Variants in CHADL observed in about 807,000 individuals in gnomAD.
CHADL encodes chondroadherin-like protein.
A neutral mutation model predicts 52.1 loss-of-function variants in CHADL; 48 were observed. The ratio of observed to expected loss-of-function variants is 0.92; its 90% CI spans 0.73 to 1.17. The LOEUF is 1.17. Among genes scored for constraint, CHADL ranks in the 50% most tolerant of loss-of-function variants. The probability of loss-of-function intolerance (pLI) is 0.00; values close to 1 mark genes in which losing one functional copy is unlikely to be tolerated. For synonymous variants in CHADL, 498 were observed against 511.2 expected (o/e 0.97, Z 0.35); for missense variants, 977 against 1,035.1 (o/e 0.94, Z 0.77).
At position 41,238,564 on chromosome 22, in the gene CHADL, G is replaced by C. The variant is rs1238192262; in HGVS notation, c.508C>G (p.Leu170Val). The change falls in exon 3 of 6, where the codon CTG (leucine) becomes GTG (valine). Residue 170 changes from leucine (L) to valine (V), a missense_variant. Leu to Val is a conservative substitution (Grantham distance 32). Transcript: ENST00000216241. This position sits in a 1 kb window ranked among gnomAD's most constrained non-coding sequence, Gnocchi z 4.9. ...AAGGCCATGGCGGGCAGGTAAACCA[G>C]GGCGTTGTGGGCCAGGTTTAGCGTG... ...LATLNLAHNA[L>V]VYLPAMAFQG... is the part of the protein sequence containing the mutation. 6 of 1,546,304 alleles carry C rather than the reference G, an allele frequency of 3.9e-6. No individual in the cohort carries two copies. In the East Asian group the frequency reaches 1.5e-4, roughly 38 times the overall value.
chr22:41,238,204 G>C lies in CHADL; in HGVS notation c.868C>G (p.Leu290Val), dbSNP rs767498867. ...LHTLDLRGNQ[L>V]DTLPPLQGPG... ...CCCTGCAGCGGGGGCAGGGTGTCTAGCTGGTTCCCGCGGAGGTCGAGGGTG... is the reference window on the plus strand; with the variant it reads ...CCCTGCAGCGGGGGCAGGGTGTCTACCTGGTTCCCGCGGAGGTCGAGGGTG... The change falls in exon 3 of 6, where the codon CTA (leucine) becomes GTA (valine). Residue 290 changes from leucine to valine, a missense_variant. Physicochemically the swap from Leu to Val is conservative, Grantham distance 32. Transcript: ENST00000216241. This position sits in a 1 kb window ranked among gnomAD's most constrained non-coding sequence, Gnocchi z 4.9. 1.3e-6 allele frequency: 2 copies of C among 1,523,348 alleles called. No homozygotes were observed. The highest frequency in any genetic ancestry group is 1.8e-6 in the Non-Finnish European group (2 of 1,142,616). 94.4% of individuals were successfully genotyped at this position (1,523,348 alleles called of 1,614,324 possible).
intron 5 of CHADL, among the ~76,000 whole-genome samples, chr22:41,234,546 TA>T (rs898814526): frequency 4.2e-5 from 6 of 144,032 alleles, no homozygotes; most frequent in African/African-American, 1.7e-4. Context: ...CACGCCCAGC[TA>T]ATTTTTTTTT....
chr22:41,234,774 C>T (rs1235173317), intron 5 of CHADL, among the ~76,000 whole-genome samples: 1 of 152,110 alleles, frequency 6.6e-6, no homozygotes, highest in Non-Finnish European at 1.5e-5. Context: ...CAGATGGTCT[C>T]TATCTCCTGA....
At chr22:41,230,385 C>T in intron 5 of CHADL, 1 of 695,906 alleles carries the variant, frequency 1.4e-6, no homozygotes, top group East Asian at 2.7e-5. Flanking sequence ...GCTGTGAAGG[C>T]TGGACGGTGG....
intron 5 of CHADL, 106 bp from the exon 6 acceptor site, chr22:41,229,836 A>G (rs2032461312): frequency 9.4e-7 from 1 of 1,059,264 alleles, no homozygotes; most frequent in Non-Finnish European, 1.4e-6. Context: ...CCAACTGTGA[A>G]TGGAGCTGAG....
chr22:41,238,274 C>T lies in CHADL; in HGVS notation c.798G>A (p.Leu266=). The T allele has an allele frequency of 3.3e-6, 5 of 1,529,978 alleles. No homozygotes were observed. The highest frequency in any genetic ancestry group is 4.4e-6 in the Non-Finnish European group (5 of 1,144,560). The allele number at this position is 1,529,978 out of a possible 1,614,324, so 94.8% of individuals were successfully genotyped here. The change falls in exon 3 of 6, where the codon CTG becomes CTA. Residue 266 remains leucine, a synonymous_variant. Transcript: ENST00000216241. The surrounding 1 kb of genome is among the most constrained non-coding windows in gnomAD (Gnocchi z 4.9). ...CGAAGGCCCTGGGACCCAGGGCCTGCAGGGCCCCGCCGTCCAGCAGCAGCT... is the reference window on the plus strand; with the variant it reads ...CGAAGGCCCTGGGACCCAGGGCCTGTAGGGCCCCGCCGTCCAGCAGCAGCT... ...LRELLLDGGA[L]QALGPRAFAH...
chr22:41,239,905 G>A (rs1250893804), intron 1 of CHADL, among the ~76,000 whole-genome samples: 3 of 152,204 alleles, frequency 2.0e-5, no homozygotes, highest in African/African-American at 7.2e-5. Context: ...CTTGCTGACT[G>A]TGAGAATGAC....
chr22:41,235,503 G>A (rs1319201051), intron 4 of CHADL, among the ~76,000 whole-genome samples, 160 bp from the exon 5 acceptor site: 1 of 152,230 alleles, frequency 6.6e-6, no homozygotes, highest in Non-Finnish European at 1.5e-5. Context: ...CAGCTTTCCT[G>A]AGGAGGTCAA....
In CHADL at chr22:41,235,294, GA is replaced by G. The variant is rs2032719967; in HGVS notation, c.2112del (p.Asn706MetfsTer7). On this transcript the variant is annotated frameshift_variant, in exon 5 of 6. Transcript: ENST00000216241. LOFTEE classifies it high-confidence loss of function. Reference protein sequence around the residue: ...NLRVGATCATPPNARGQRVKA... With the variant: ...NLRVGATCATXPNARGQRVKA... ...TTCACCCTCTGGCCACGGGCATTGG[GA>G]GGGGTGGCGCAGGTGGCCCCCACCC... 2 of 1,551,216 alleles carry G rather than the reference GA, an allele frequency of 1.3e-6. No individual in the cohort carries two copies. Among genetic ancestry groups the G allele is most frequent in the African/African-American group, 1.4e-5 (1 of 73,196 alleles).
At chr22:41,233,381 G>A (rs562350993) in intron 5 of CHADL, among the ~76,000 whole-genome samples, 27 of 152,128 alleles carry the variant, frequency 1.8e-4, no homozygotes, top group Non-Finnish European at 2.9e-5. Context: ...AGAGTCGCTT[G>A]AACCCAGGAG....
At chr22:41,235,429 G>T (rs2032723763) in intron 4 of CHADL, 86 bp from the exon 5 acceptor site, 2 of 1,105,228 alleles carry the variant, frequency 1.8e-6, no homozygotes, top group African/African-American at 1.6e-5. Flanking sequence ...GTGGGGCAGG[G>T]TTGGTGCAGA....
chr22:41,239,658 C>A, intron 1 of CHADL, 38 bp from the exon 2 acceptor site: 1 of 1,467,688 alleles, frequency 6.8e-7, no homozygotes, highest in Non-Finnish European at 9.1e-7. Flanking sequence ...GCACAAGGGC[C>A]GAGGCCACAT....
At chr22:41,234,362 G>T (rs2032694856) in intron 5 of CHADL, among the ~76,000 whole-genome samples, 1 of 101,794 alleles carries the variant, frequency 9.8e-6, no homozygotes, top group Non-Finnish European at 2.0e-5. Flanking sequence ...CGGGAGGATG[G>T]ACATTATTAT....
chr22:41,236,788 G>A, intron 3 of CHADL, 138 bp from the exon 4 acceptor site: 1 of 856,114 alleles, frequency 1.2e-6, no homozygotes, highest in Non-Finnish European at 1.8e-6. Context: ...GTGCAGCGCT[G>A]GGTCAAAACC....
Position 41,238,005 on chromosome 22 carries a change from C to G in CHADL, c.1067G>C (p.Arg356Pro). The change falls in exon 3 of 6, where the codon CGC (arginine) becomes CCC (proline). Residue 356 changes from arginine (R) to proline (P), a missense_variant. Coordinates refer to ENST00000216241, the MANE Select transcript of CHADL (RefSeq NM_138481.2). This position sits in a 1 kb window ranked among gnomAD's most constrained non-coding sequence, Gnocchi z 4.9. ...TTCCTGCGCCGCGTCCCCAGGGCAG[C>G]GCAGGTCCCAGGGCCGCAGGGCGTC... ...ALDALRPWDL[R>P]CPGDAAQEEE... The G allele has an allele frequency of 7.8e-7, 1 of 1,283,036 alleles. No individual in the cohort carries two copies. The highest frequency in any genetic ancestry group is 1.6e-5 in the African/African-American group (1 of 64,080). 79.5% of individuals were successfully genotyped at this position (1,283,036 alleles called of 1,614,324 possible).
intron 4 of CHADL, among the ~76,000 whole-genome samples, chr22:41,236,233 G>A (rs898272582): frequency 9.9e-5 from 15 of 152,172 alleles, no homozygotes; most frequent in African/African-American, 3.4e-4. Context: ...GTCCCAGCCC[G>A]CTAGGCAGAG....
In CHADL at chr22:41,237,348, T is replaced by C; in HGVS notation, c.1724A>G (p.His575Arg). 6.4e-7 allele frequency: 1 copy of C among 1,550,616 alleles called. No individual in the cohort carries two copies. Among genetic ancestry groups the C allele is most frequent in the South Asian group, 1.2e-5 (1 of 84,058 alleles). The change falls in exon 3 of 6, where the codon CAC becomes CGC. Residue 575 changes from histidine (H) to arginine (R), a missense_variant. Transcript: ENST00000216241. ...CTCTCGCAGCTGATTCCTGTCCAGG[T>C]GCAGCTTCTCCAGCTCCCGAGCTGG... is the stretch of plus-strand genomic sequence containing the variant. ...LGPARELEKL[H>R]LDRNQLREVP...
intron 5 of CHADL, among the ~76,000 whole-genome samples, chr22:41,233,409 C>T (rs977454069): frequency 1.3e-5 from 2 of 152,070 alleles, no homozygotes; most frequent in Non-Finnish European, 2.9e-5. Context: ...GTGCAGTGAG[C>T]CAAGACTGTG....
chr22:41,238,519 G>A lies in CHADL; in HGVS notation c.553C>T (p.Arg185Cys), dbSNP rs940688692. The change falls in exon 3 of 6, where the codon CGC becomes TGC. Residue 185 changes from arginine to cysteine, a missense_variant. Arg to Cys is a radical substitution (Grantham distance 180). Coordinates refer to ENST00000216241, the MANE Select transcript of CHADL (RefSeq NM_138481.2). The surrounding 1 kb of genome is among the most constrained non-coding windows in gnomAD (Gnocchi z 4.9). ...AMAFQGLLRVRWLRLSHNALS... is the reference protein window; with the variant it reads ...AMAFQGLLRVCWLRLSHNALS... ...GCGTTGTGCGACAGCCGCAGCCAGC[G>A]GACGCGCAGTAGCCCCTGGAAGGCC... 6.0e-5 allele frequency: 93 copies of A among 1,543,040 alleles called. No homozygotes were observed. Among genetic ancestry groups the A allele is most frequent in the Non-Finnish European group, 7.9e-5 (91 of 1,145,392 alleles).
Sources: gnomAD v4.1 joint callset for allele counts (sites outside exome capture counted in the v4.1 genomes callset) on GRCh38, gnomAD v4.1.1 for gene constraint, Gnocchi (gnomAD v3.1) non-coding constraint, MANE v1.5 for transcripts, NCBI Gene and HGNC (gene_info 2026-07-23, HGNC 2026-07-21) for gene names.